The following SLC9A1 variants were observed in gnomAD, a reference collection of about 807,000 sequenced individuals.
SLC9A1 encodes solute carrier family 9 member A1, also known as sodium/hydrogen exchanger 1.
A neutral mutation model predicts 67.9 loss-of-function variants in SLC9A1; 22 were observed. The observed-to-expected ratio is 0.32, with a 90% confidence interval of 0.23 to 0.46. The LOEUF (loss-of-function observed/expected upper bound fraction) is 0.46, where lower values mean the gene tolerates loss of function less well. Among genes scored for constraint, SLC9A1 ranks in the 20% least tolerant of loss-of-function variants. The probability of loss-of-function intolerance (pLI) is 1.00; values close to 1 mark genes in which losing one functional copy is unlikely to be tolerated. For missense variants in SLC9A1, 686 were observed against 1,094.8 expected (o/e 0.63, Z 5.27); for synonymous variants, 421 against 471.8 (o/e 0.89, Z 1.40).
At position 27,140,036 on chromosome 1, in the gene SLC9A1, G is replaced by A. The variant is rs143515737; in HGVS notation, c.352+13947C>T. 6.0e-3 allele frequency among the ~76,000 whole-genome samples: 917 copies of A among 151,922 alleles called. 9 individuals are homozygous for A. The highest frequency in any genetic ancestry group is 0.021 in the African/African-American group (865 of 41,430). ...TGGAACTCCTGACCTCAAGTGATCC[G>A]CCCATCTCAGCCTCCCAAAGTGCCG... On this transcript the variant is annotated intron_variant, in intron 1 of 11. Coordinates refer to ENST00000263980, the MANE Select transcript of SLC9A1 (RefSeq NM_003047.5).
chr1:27,131,891 A>G (rs1236823754), intron 1 of SLC9A1, among the ~76,000 whole-genome samples: 2 of 145,630 alleles, frequency 1.4e-5, no homozygotes, highest in Admixed American at 1.4e-4. Flanking sequence ...ACTGCATTCT[A>G]GCCTGGGCAA....
rs1352702501 is a variant in SLC9A1, at chr1:27,137,423, T to C, written c.352+16560A>G. ...GGGGATGGGCCGGGCTCTGTCATCA[T>C]GTCAGACATTTAGAAGCCCTTACTG... On this transcript the variant is annotated intron_variant, in intron 1 of 11. Transcript: ENST00000263980. This position sits in a 1 kb window ranked among gnomAD's most constrained non-coding sequence, Gnocchi z 4.6. 6.6e-6 allele frequency among the ~76,000 whole-genome samples: 1 copy of C among 152,242 alleles called. No individual in the cohort carries two copies. The highest frequency in any genetic ancestry group is 1.5e-5 in the Non-Finnish European group (1 of 68,042).
intron 1 of SLC9A1, among the ~76,000 whole-genome samples, chr1:27,136,334 G>A (rs576512060): frequency 3.3e-5 from 5 of 152,342 alleles, no homozygotes; most frequent in East Asian, 3.9e-4. Flanking sequence ...TCTGTGCCAA[G>A]GGAGGATGCC....
intron 1 of SLC9A1, among the ~76,000 whole-genome samples, chr1:27,129,756 TG>T: frequency 6.6e-6 from 1 of 152,154 alleles, no homozygotes. Context: ...TGGAACATGG[TG>T]CCAACCCCCC....
intron 1 of SLC9A1, among the ~76,000 whole-genome samples, chr1:27,146,728 C>T (rs971536279): frequency 5.3e-5 from 8 of 152,062 alleles, no homozygotes; most frequent in Non-Finnish European, 1.0e-4. Flanking sequence ...TGCAGTGAGC[C>T]GTCTTTGCGC....
rs1354311557 is a variant in SLC9A1, at chr1:27,099,251, GTA to G, written c.*1054_*1055del. The G allele has an allele frequency of 1.3e-5, 2 of 153,320 alleles. No individual in the cohort carries two copies. Among genetic ancestry groups the G allele is most frequent in the African/African-American group, 4.8e-5 (2 of 41,484 alleles). 9.5% of individuals were successfully genotyped at this position (153,320 alleles called of 1,614,324 possible). A position where few individuals can be genotyped will look rare whatever the true frequency, so the allele number is the denominator to read the frequency against. Reference sequence around the variant, plus strand: ...AGGGGCCAAACCCAGGGTGGGGGAAGTAAGAGCAGGCCAGCAGGACTGGAGGT... The same window carrying G: ...AGGGGCCAAACCCAGGGTGGGGGAAGAGAGCAGGCCAGCAGGACTGGAGGT... On this transcript the variant is annotated 3_prime_UTR_variant, in exon 12 of 12. Transcript: ENST00000263980.
chr1:27,141,843 TTCCTGTGGG>T (rs1475586800), intron 1 of SLC9A1, among the ~76,000 whole-genome samples: 1 of 152,224 alleles, frequency 6.6e-6, no homozygotes, highest in African/African-American at 2.4e-5. Flanking sequence ...AGCATCCAGA[TTCCTGTGGG>T]TCCTGGCCAC....
chr1:27,147,299 CAAAAAAAA>C (rs57583944), intron 1 of SLC9A1, among the ~76,000 whole-genome samples: 3 of 43,958 alleles, frequency 6.8e-5, no homozygotes, highest in Admixed American at 3.3e-4. Flanking sequence ...GACTCTGTCT[CAAAAAAAA>C]AAAAAAAAAA....
In SLC9A1 at chr1:27,100,250, C is replaced by T. The variant is rs1307538568; in HGVS notation, c.*57G>A. On this transcript the variant is annotated 3_prime_UTR_variant, in exon 12 of 12. Coordinates refer to ENST00000263980, the MANE Select transcript of SLC9A1 (RefSeq NM_003047.5). This position sits in a 1 kb window ranked among gnomAD's most constrained non-coding sequence, Gnocchi z 5.6. Reference sequence around the variant, plus strand: ...GAAGGGCAAGGGGAGCCCCCAGCAGCCCCTGCTCTGGTGGAAGAGTCTGTG... The same window carrying T: ...GAAGGGCAAGGGGAGCCCCCAGCAGTCCCTGCTCTGGTGGAAGAGTCTGTG... 1.5e-6 allele frequency: 2 copies of T among 1,324,846 alleles called. No homozygotes were observed. Among genetic ancestry groups the T allele is most frequent in the East Asian group, 2.5e-5 (1 of 39,800 alleles). The allele number at this position is 1,324,846 out of a possible 1,614,324, so 82.1% of individuals were successfully genotyped here.
chr1:27,117,964 G>A (rs1187626759), intron 1 of SLC9A1, among the ~76,000 whole-genome samples: 1 of 152,172 alleles, frequency 6.6e-6, no homozygotes, highest in Non-Finnish European at 1.5e-5. Flanking sequence ...CCAGCCCTTG[G>A]AGCTTCTATG....
chr1:27,154,075 T>C lies in SLC9A1; in HGVS notation c.260A>G (p.Lys87Arg), dbSNP rs750752510. The change falls in exon 1 of 12, where the codon AAG becomes AGG. Residue 87 changes from lysine (K) to arginine (R), a missense_variant. Physicochemically the swap from Lys to Arg is conservative, Grantham distance 26. This residue lies in a region of SLC9A1 where 143 missense variants were observed against 166.7 expected (regional missense o/e 0.86). Transcript: ENST00000263980. ...GTCGATGCCCAGGACTGGAAAGGCC[T>C]TGCGCGGCTTCATGCCATGATCAGT... is the stretch of plus-strand genomic sequence containing the variant. ...SVTDHGMKPR[K>R]AFPVLGIDYT... 2 of 1,613,538 alleles carry C rather than the reference T, an allele frequency of 1.2e-6. No homozygotes were observed. Among genetic ancestry groups the C allele is most frequent in the South Asian group, 1.1e-5 (1 of 90,984 alleles).
intron 1 of SLC9A1, among the ~76,000 whole-genome samples, chr1:27,153,148 G>C (rs180971901): frequency 6.1e-4 from 92 of 152,060 alleles, no homozygotes; most frequent in African/African-American, 2.2e-3. Context: ...CTTCAGGCCT[G>C]AACATCCCTA....
At chr1:27,131,938 G>GA (rs1351315440) in intron 1 of SLC9A1, among the ~76,000 whole-genome samples, 678 of 34,962 alleles carry the variant, frequency 0.019, 23 homozygotes, top group African/African-American at 0.057. Context: ...AGAAGAAGAA[G>GA]AAAAAAAAAA....
chr1:27,111,866 A>G (rs2083230647), intron 2 of SLC9A1, among the ~76,000 whole-genome samples: 1 of 152,162 alleles, frequency 6.6e-6, no homozygotes, highest in African/African-American at 2.4e-5. Context: ...GCACCCAATG[A>G]ACACCAGCAA....
At chr1:27,147,184 C>T (rs1038704081) in intron 1 of SLC9A1, among the ~76,000 whole-genome samples, 3 of 151,504 alleles carry the variant, frequency 2.0e-5, no homozygotes, top group African/African-American at 7.3e-5. Flanking sequence ...CCTGTAATCC[C>T]AGCTACTCAG....
intron 1 of SLC9A1, 54 bp downstream of exon 1, chr1:27,153,929 C>A: frequency 8.0e-7 from 1 of 1,242,496 alleles, no homozygotes; most frequent in Non-Finnish European, 1.1e-6. Context: ...CGAGATGAGG[C>A]AAGAAGCTCA....
intron 8 of SLC9A1, 81 bp from the exon 9 acceptor site, chr1:27,102,211 C>T (rs771712266): frequency 7.1e-7 from 1 of 1,401,260 alleles, no homozygotes; most frequent in African/African-American, 1.4e-5. Flanking sequence ...AGGAAGTCAC[C>T]CTAGGGATGA....
At chr1:27,108,108 C>T (rs1161803333) in intron 3 of SLC9A1, among the ~76,000 whole-genome samples, 3 of 149,938 alleles carry the variant, frequency 2.0e-5, no homozygotes, top group Non-Finnish European at 4.4e-5. Context: ...ACTCTGTCAC[C>T]CAGGCTGGAG....
intron 1 of SLC9A1, among the ~76,000 whole-genome samples, chr1:27,122,840 AG>A (rs2083313367): frequency 1.3e-5 from 2 of 152,314 alleles, no homozygotes; most frequent in South Asian, 4.1e-4. Flanking sequence ...AGTGAAGCAG[AG>A]GATGACTCAC....
Sources: allele counts gnomAD v4.1 joint callset (sites outside exome capture counted in the v4.1 genomes callset), GRCh38; gene constraint gnomAD v4.1.1; regional missense constraint gnomAD v4.1.1; non-coding constraint Gnocchi (gnomAD v3.1); transcripts MANE v1.5; gene names NCBI Gene and HGNC (gene_info 2026-07-23, HGNC 2026-07-21).